NRXN3: variants seen among roughly 807,000 people sequenced by gnomAD.
The protein encoded by NRXN3 is neurexin III.
NRXN3 carries 32 observed loss-of-function variants against 137.6 expected under a neutral mutation model. The observed-to-expected ratio is 0.23, with a 90% CI of 0.18 to 0.31. NRXN3 has a LOEUF of 0.31. Ranked by LOEUF, NRXN3 falls within the 10% of genes least tolerant of loss-of-function variation. The pLI is 1.00. For synonymous variants in NRXN3, 798 were observed against 784.5 expected, an observed-to-expected ratio of 1.02 and a Z score of -0.29; for missense variants, 1,574 against 2,062.5, an observed-to-expected ratio of 0.76 and a Z score of 4.59.
At chr14:78,764,146 C>G (rs1037676319) in intron 8 of NRXN3, among the ~76,000 whole-genome samples, 3 of 152,144 alleles carry the variant, frequency 2.0e-5, no homozygotes, top group Non-Finnish European at 4.4e-5. Context: ...ATGACCATGC[C>G]ATATCCAGTT....
intron 3 of NRXN3, among the ~76,000 whole-genome samples, chr14:78,282,700 C>T (rs956929610): frequency 3.9e-5 from 6 of 152,148 alleles, no homozygotes; most frequent in Admixed American, 2.0e-4. Flanking sequence ...ATCTCCGCCC[C>T]GTATTGTGTT....
At chr14:78,194,246 G>T (rs1268336243) in intron 1 of NRXN3, among the ~76,000 whole-genome samples, 1 of 152,212 alleles carries the variant, frequency 6.6e-6, no homozygotes, top group African/African-American at 2.4e-5. Context: ...GAGAGTACAG[G>T]ACTGCAACAT....
chr14:79,132,412 G>C (rs556344194), intron 15 of NRXN3, among the ~76,000 whole-genome samples: 8 of 152,128 alleles, frequency 5.3e-5, no homozygotes, highest in Middle Eastern at 3.2e-3. Context: ...CTTCATATGG[G>C]AAATAGGATG....
chr14:79,774,641 C>G (rs936596584), intron 19 of NRXN3, among the ~76,000 whole-genome samples: 4 of 152,152 alleles, frequency 2.6e-5, no homozygotes, highest in Non-Finnish European at 5.9e-5. Context: ...TCTCCATGGA[C>G]TGGCCTTCAC....
chr14:78,941,166 G>A (rs2099352182), intron 10 of NRXN3, among the ~76,000 whole-genome samples: 1 of 152,120 alleles, frequency 6.6e-6, no homozygotes, highest in African/African-American at 2.4e-5. Flanking sequence ...CTGGCCTCGT[G>A]GAGTTCATAG....
At chr14:79,821,026 G>T (rs1275836690) in intron 20 of NRXN3, among the ~76,000 whole-genome samples, 1 of 152,090 alleles carries the variant, frequency 6.6e-6, no homozygotes, top group Non-Finnish European at 1.5e-5. Context: ...AAGAGATGAT[G>T]CAAGGAGGCA....
chr14:78,692,570 T>C (rs1419493429), intron 6 of NRXN3, among the ~76,000 whole-genome samples: 1 of 152,162 alleles, frequency 6.6e-6, no homozygotes, highest in African/African-American at 2.4e-5. Flanking sequence ...TCCAGACTAA[T>C]TAGAGTAGTA....
intron 4 of NRXN3, among the ~76,000 whole-genome samples, chr14:78,311,370 A>G (rs1197410934): frequency 6.6e-6 from 1 of 152,204 alleles, no homozygotes; most frequent in African/African-American, 2.4e-5. Flanking sequence ...TGCTTTCAAT[A>G]GAGAGGGTCT....
intron 16 of NRXN3, among the ~76,000 whole-genome samples, chr14:79,482,235 C>T (rs1439461873): frequency 6.6e-6 from 1 of 152,182 alleles, no homozygotes; most frequent in Non-Finnish European, 1.5e-5. Flanking sequence ...GTTAGCTTGG[C>T]CCATGCCCAG....
At chr14:79,501,300 C>T (rs78228088) in intron 16 of NRXN3, among the ~76,000 whole-genome samples, 2,160 of 152,182 alleles carry the variant, frequency 0.014, 87 homozygotes, top group East Asian at 0.12. Flanking sequence ...CTCCCTCCCC[C>T]GCTTCTACTA....
At chr14:78,644,601 TG>T (rs2097668394) in intron 4 of NRXN3, among the ~76,000 whole-genome samples, 1 of 152,192 alleles carries the variant, frequency 6.6e-6, no homozygotes, top group Non-Finnish European at 1.5e-5. Context: ...GGCTTAGGAC[TG>T]TATTATAGAA....
intron 4 of NRXN3, among the ~76,000 whole-genome samples, chr14:78,610,035 G>GGAGAGAGAGA (rs143182887): frequency 6.7e-6 from 1 of 148,398 alleles, no homozygotes. Context: ...AGAGAGGGAG[G>GGAGAGAGAGA]GAGAGAGAGA....
intron 16 of NRXN3, among the ~76,000 whole-genome samples, chr14:79,603,198 A>C (rs1040244508): frequency 1.3e-5 from 2 of 150,748 alleles, no homozygotes; most frequent in African/African-American, 5.0e-5. Flanking sequence ...AAACAAAATG[A>C]CAGCTTTGTT....
At chr14:79,090,496 C>G (rs1277698159) in intron 15 of NRXN3, among the ~76,000 whole-genome samples, 1 of 152,104 alleles carries the variant, frequency 6.6e-6, no homozygotes, top group African/African-American at 2.4e-5. Flanking sequence ...TTGCTTTTCA[C>G]TTCTCTAATT....
intron 4 of NRXN3, among the ~76,000 whole-genome samples, chr14:78,531,506 T>C (rs1264127658): frequency 3.9e-5 from 6 of 152,292 alleles, no homozygotes; most frequent in African/African-American, 1.4e-4. Context: ...AGAATTCAAG[T>C]TTTACCCAGA....
In NRXN3 at chr14:78,407,252, A is replaced by G. The variant is rs551579904; in HGVS notation, c.757+109392A>G. 3.9e-5 allele frequency among the ~76,000 whole-genome samples: 6 copies of G among 152,254 alleles called. No individual in the cohort carries two copies. The South Asian group carries it at 6.2e-4, about 16-fold the overall frequency. On this transcript the variant is annotated intron_variant, in intron 4 of 20. Transcript: ENST00000335750. The stretch of plus-strand genomic sequence containing the variant: ...AAGCATCATGGGTAATGAAAAAAAA[A>G]TACTGCACTAGGAGGAACCAGGAGA...
chr14:78,340,901 G>C (rs775522469), intron 4 of NRXN3, among the ~76,000 whole-genome samples: 2 of 152,134 alleles, frequency 1.3e-5, no homozygotes, highest in African/African-American at 4.8e-5. Flanking sequence ...TTTTATACCT[G>C]CTTAGCCCAA....
At chr14:78,595,989 C>T (rs1228148683) in intron 4 of NRXN3, among the ~76,000 whole-genome samples, 6 of 151,894 alleles carry the variant, frequency 4.0e-5, no homozygotes, top group Non-Finnish European at 8.8e-5. Context: ...GGGTGGGGAG[C>T]GCTACTGACA....
chr14:78,589,318 C>A (rs891373277), intron 4 of NRXN3, among the ~76,000 whole-genome samples: 3 of 152,138 alleles, frequency 2.0e-5, no homozygotes, highest in Non-Finnish European at 1.5e-5. Context: ...TATCTGGGGG[C>A]CTTCTCTCTG....
Sources: allele counts gnomAD v4.1 joint callset (sites outside exome capture counted in the v4.1 genomes callset), GRCh38; gene constraint gnomAD v4.1.1; transcripts MANE v1.5; gene names NCBI Gene and HGNC (gene_info 2026-07-23, HGNC 2026-07-21).